IDH2: variants seen among roughly 807,000 people sequenced by gnomAD.
The protein encoded by IDH2 is isocitrate dehydrogenase (NADP(+)) 2.
A neutral mutation model predicts 50.5 loss-of-function variants in IDH2; 18 were observed. That is an observed-to-expected ratio of 0.36 (90% CI 0.25 to 0.53). The LOEUF (loss-of-function observed/expected upper bound fraction) is 0.53, where lower values mean the gene tolerates loss of function less well. Ranked by LOEUF, IDH2 falls within the 20% of genes least tolerant of loss-of-function variation. The pLI is 0.92. For synonymous variants in IDH2, 280 were observed against 239.8 expected (o/e 1.17, Z -1.55); for missense variants, 518 against 610.7 (o/e 0.85, Z 1.60).
At chr15:90,091,517 A>C in intron 2 of IDH2, 36 bp downstream of exon 2, 1 of 1,538,236 alleles carries the variant, frequency 6.5e-7, no homozygotes, top group Non-Finnish European at 9.0e-7. Flanking sequence ...TGGCCAGCCC[A>C]CCTGGAGAGC....
intron 5 of IDH2, 142 bp from the exon 6 acceptor site, chr15:90,087,717 G>A: frequency 2.4e-6 from 2 of 841,632 alleles, no homozygotes; most frequent in Non-Finnish European, 3.9e-6. Context: ...CCTCCGTGCA[G>A]TGCACACGAT....
rs773670536 is a variant in IDH2, at chr15:90,084,228, C to A, written c.*38G>T. The stretch of plus-strand genomic sequence containing the variant: ...GCTCAGGAGGACCCGCCGGCTCAGC[C>A]CTGGCCCCTCCACTGCAGCCATGGG... On this transcript the variant is annotated 3_prime_UTR_variant, in exon 11 of 11. Coordinates refer to ENST00000330062, the MANE Select transcript of IDH2 (RefSeq NM_002168.4). The surrounding 1 kb of genome is among the most constrained non-coding windows in gnomAD (Gnocchi z 5.0). The A allele has an allele frequency of 2.9e-5, 46 of 1,583,314 alleles. 1 individual carries two copies. The Middle Eastern group carries it at 5.5e-4, about 19-fold the overall frequency.
chr15:90,097,194 T>TTGA (rs1901205166), intron 1 of IDH2, among the ~76,000 whole-genome samples: 1 of 152,210 alleles, frequency 6.6e-6, no homozygotes, highest in Admixed American at 6.5e-5. Context: ...TCAACCATAG[T>TTGA]CTGAAAATAG....
chr15:90,095,384 C>T (rs866987184), intron 1 of IDH2, among the ~76,000 whole-genome samples: 4 of 151,264 alleles, frequency 2.6e-5, no homozygotes, highest in South Asian at 2.1e-4. Context: ...GCAGAACCTG[C>T]GGAAAGTCTG....
Position 90,084,688 on chromosome 15 carries a change from G to A in IDH2, c.1271+128C>T. On this transcript the variant is annotated intron_variant, in intron 10 of 10. Transcript: ENST00000330062. This position sits in a 1 kb window ranked among gnomAD's most constrained non-coding sequence, Gnocchi z 5.0. ...AGAGGCTGGCCTGAGCAGTCTCTCA[G>A]GGCTGTGGACATGTCCTGCCCCAGG... 1.2e-6 allele frequency: 1 copy of A among 815,024 alleles called. No individual in the cohort carries two copies. Among genetic ancestry groups the A allele is most frequent in the South Asian group, 1.4e-5 (1 of 73,378 alleles). 50.5% of individuals were successfully genotyped at this position (815,024 alleles called of 1,614,324 possible).
In IDH2 at chr15:90,085,228, G is replaced by C; in HGVS notation, c.1080+47C>G. 6.6e-7 allele frequency: 1 copy of C among 1,517,014 alleles called. No individual in the cohort carries two copies. Among genetic ancestry groups the C allele is most frequent in the African/African-American group, 1.4e-5 (1 of 72,708 alleles). The allele number at this position is 1,517,014 out of a possible 1,614,324, so 94.0% of individuals were successfully genotyped here. Reference sequence around the variant, plus strand: ...CAGCCCTCAGCCCAGTGGGCTTTAGGCCCCTGGGGTAGAGGGGCATTGTGA... The same window carrying C: ...CAGCCCTCAGCCCAGTGGGCTTTAGCCCCCTGGGGTAGAGGGGCATTGTGA... On this transcript the variant is annotated intron_variant, in intron 8 of 10. Coordinates refer to ENST00000330062, the MANE Select transcript of IDH2 (RefSeq NM_002168.4). This position sits in a 1 kb window ranked among gnomAD's most constrained non-coding sequence, Gnocchi z 5.5.
intron 1 of IDH2, among the ~76,000 whole-genome samples, chr15:90,101,941 GGCAGGCCACCCTT>G (rs772658265): frequency 2.4e-4 from 37 of 152,140 alleles, no homozygotes; most frequent in Admixed American, 5.2e-4. Context: ...GCGCAGGGCG[GGCAGGCCACCCTT>G]CGGGTCCGGG....
At chr15:90,086,112 C>A (rs1218370991) in intron 7 of IDH2, among the ~76,000 whole-genome samples, 1 of 152,226 alleles carries the variant, frequency 6.6e-6, no homozygotes, top group Non-Finnish European at 1.5e-5. Context: ...TTTCATCCTT[C>A]TATCCTAGAT....
At chr15:90,090,962 A>T (rs1901019540) in intron 2 of IDH2, among the ~76,000 whole-genome samples, 1 of 152,166 alleles carries the variant, frequency 6.6e-6, no homozygotes, top group Non-Finnish European at 1.5e-5. Flanking sequence ...CCCCAAGTAC[A>T]TCTAGATTTC....
In IDH2 at chr15:90,098,238, A is replaced by G. The variant is rs954656670; in HGVS notation, c.115+4038T>C. 6.6e-6 allele frequency among the ~76,000 whole-genome samples: 1 copy of G among 151,866 alleles called. No individual in the cohort carries two copies. The highest frequency in any genetic ancestry group is 2.4e-5 in the African/African-American group (1 of 41,302). ...CAGTCACCAGAGGCACGTTAGGCTG[A>G]CTCTCCTCCCTGTCTGGGGCTCCTA... On this transcript the variant is annotated intron_variant, in intron 1 of 10. Coordinates refer to ENST00000330062, the MANE Select transcript of IDH2 (RefSeq NM_002168.4). This position sits in a 1 kb window ranked among gnomAD's most constrained non-coding sequence, Gnocchi z 5.1.
Position 90,085,257 on chromosome 15 carries a change from C to T in IDH2, c.1080+18G>A, listed in dbSNP as rs1361777365. The T allele has an allele frequency of 1.9e-6, 3 of 1,541,358 alleles. No homozygotes were observed. The highest frequency in any genetic ancestry group is 2.6e-6 in the Non-Finnish European group (3 of 1,134,158). ...CTGGGGTAGAGGGGCATTGTGAGGCCCCATGCCCTGCACTCACCTTCTGGT... is the reference window on the plus strand; with the variant it reads ...CTGGGGTAGAGGGGCATTGTGAGGCTCCATGCCCTGCACTCACCTTCTGGT... On this transcript the variant is annotated intron_variant, in intron 8 of 10. Transcript: ENST00000330062. This position sits in a 1 kb window ranked among gnomAD's most constrained non-coding sequence, Gnocchi z 5.5.
chr15:90,095,558 C>G (rs1901161796), intron 1 of IDH2, among the ~76,000 whole-genome samples: 1 of 152,050 alleles, frequency 6.6e-6, no homozygotes, highest in Non-Finnish European at 1.5e-5. Context: ...CAGCCTCAGC[C>G]TGGGCTCCAC....
Position 90,085,475 on chromosome 15 carries a change from T to G in IDH2, c.968-88A>C. On this transcript the variant is annotated intron_variant, in intron 7 of 10. Coordinates refer to ENST00000330062, the MANE Select transcript of IDH2 (RefSeq NM_002168.4). The surrounding 1 kb of genome is among the most constrained non-coding windows in gnomAD (Gnocchi z 5.5). ...TGCTGCCCTCTACAACCCAATATTG[T>G]AGCTGCCATAGTTCGTGGCTCTACT... 1.1e-4 allele frequency: 89 copies of G among 843,496 alleles called. No individual in the cohort carries two copies. Among genetic ancestry groups the G allele is most frequent in the Middle Eastern group, 2.2e-4 (1 of 4,604 alleles). 52.3% of individuals were successfully genotyped at this position (843,496 alleles called of 1,614,324 possible). A position where few individuals can be genotyped will look rare whatever the true frequency, so the allele number is the denominator to read the frequency against.
chr15:90,089,183 G>C (rs941469245), intron 3 of IDH2, among the ~76,000 whole-genome samples: 1 of 152,016 alleles, frequency 6.6e-6, no homozygotes, highest in Non-Finnish European at 1.5e-5. Flanking sequence ...CAAAGTGCTG[G>C]GATTACAGGT....
At chr15:90,094,337 ACC>A (rs1274517341) in intron 1 of IDH2, among the ~76,000 whole-genome samples, 1 of 152,218 alleles carries the variant, frequency 6.6e-6, no homozygotes, top group African/African-American at 2.4e-5. Context: ...AGATAGGGGC[ACC>A]GGGGCACCAG....
In IDH2 at chr15:90,084,058, T is replaced by C; in HGVS notation, c.*208A>G. ...ATAAATTACAGTATGCAAAACATACTGACTGGCTGAGGTAAAACGCACTGC... is the reference window on the plus strand; with the variant it reads ...ATAAATTACAGTATGCAAAACATACCGACTGGCTGAGGTAAAACGCACTGC... On this transcript the variant is annotated 3_prime_UTR_variant, in exon 11 of 11. Transcript: ENST00000330062. This position sits in a 1 kb window ranked among gnomAD's most constrained non-coding sequence, Gnocchi z 5.0. 2 of 599,134 alleles carry C rather than the reference T, an allele frequency of 3.3e-6. No individual in the cohort carries two copies. Among genetic ancestry groups the C allele is most frequent in the Non-Finnish European group, 6.0e-6 (2 of 334,842 alleles). 37.1% of individuals were successfully genotyped at this position (599,134 alleles called of 1,614,324 possible).
chr15:90,101,604 C>A (rs1901332881), intron 1 of IDH2, among the ~76,000 whole-genome samples: 2 of 151,186 alleles, frequency 1.3e-5, no homozygotes, highest in African/African-American at 4.9e-5. Context: ...GCAGGGAGGG[C>A]ATGTGCCTGC....
rs1350924651 is a variant in IDH2 at position 90,087,541 on chromosome 15, T to C, written c.713A>G (p.Tyr238Cys). The C allele has an allele frequency of 6.2e-7, 1 of 1,613,958 alleles. No homozygotes were observed. Among genetic ancestry groups the C allele is most frequent in the African/African-American group, 1.3e-5 (1 of 75,046 alleles). The change falls in exon 6 of 11, where the codon TAT becomes TGT. Residue 238 changes from tyrosine (Y) to cysteine (C), a missense_variant. By Grantham distance (194) the Tyr-to-Cys change is radical (BLOSUM62 -2). Transcript: ENST00000330062. ...ISGFAHSCFQ[Y>C]AIQKKWPLYM... ...CAGCGGCCATTTCTTCTGGATGGCA[T>C]ACTGGAAGCAGCTGTGCGCAAAACC...
intron 1 of IDH2, among the ~76,000 whole-genome samples, chr15:90,096,886 C>G (rs1901196641): frequency 6.6e-6 from 1 of 151,078 alleles, no homozygotes. Flanking sequence ...TGCACTCCAG[C>G]ATGGGCGAAA....
Sources: allele counts gnomAD v4.1 joint callset (sites outside exome capture counted in the v4.1 genomes callset), GRCh38; gene constraint gnomAD v4.1.1; non-coding constraint Gnocchi (gnomAD v3.1); transcripts MANE v1.5; gene names NCBI Gene and HGNC (gene_info 2026-07-23, HGNC 2026-07-21).